Variants in NTN1 observed in about 807,000 individuals in gnomAD.
NTN1 encodes netrin-1.
Under a neutral mutation model 54.2 loss-of-function variants are expected in NTN1, and 11 were observed. That is an observed-to-expected ratio of 0.20 (90% CI 0.13 to 0.34). NTN1 has a LOEUF of 0.34. Among genes scored for constraint, NTN1 ranks in the 10% least tolerant of loss-of-function variants. The pLI is 1.00. For synonymous variants in NTN1, 371 were observed against 382.0 expected, an observed-to-expected ratio of 0.97 and a Z score of 0.33; for missense variants, 740 against 893.1, an observed-to-expected ratio of 0.83 and a Z score of 2.18.
At position 9,220,506 on chromosome 17, in the gene NTN1, T is replaced by A. The variant is rs187393990; in HGVS notation, c.1412-662T>A. On this transcript the variant is annotated intron_variant, in intron 5 of 6. Coordinates refer to ENST00000173229, the MANE Select transcript of NTN1 (RefSeq NM_004822.3). ...AGGCCCAAGGGCTGGCAGGCCCTGG[T>A]GCCCTCCACATCCTGCTTGGCTCTC... Among the ~76,000 whole-genome samples the A allele has an allele frequency of 2.9e-4, 44 of 152,030 alleles. No homozygotes were observed. The East Asian group carries it at 5.4e-3, about 19-fold the overall frequency.
chr17:9,103,249 G>C (rs765781032), intron 2 of NTN1, among the ~76,000 whole-genome samples: 1 of 152,204 alleles, frequency 6.6e-6, no homozygotes, highest in Non-Finnish European at 1.5e-5. Context: ...CACAGGAGCC[G>C]AGAGGTAGAA....
chr17:9,106,015 C>A (rs1223834709), intron 2 of NTN1, among the ~76,000 whole-genome samples: 1 of 152,156 alleles, frequency 6.6e-6, no homozygotes, highest in Non-Finnish European at 1.5e-5. Flanking sequence ...CAACCAGCAG[C>A]GTCAACAATA....
At chr17:9,233,097 C>T (rs1162378630) in intron 6 of NTN1, among the ~76,000 whole-genome samples, 1 of 151,998 alleles carries the variant, frequency 6.6e-6, no homozygotes, top group Admixed American at 6.5e-5. Flanking sequence ...CTGACCACCT[C>T]AGCCTCCTTC....
intron 2 of NTN1, among the ~76,000 whole-genome samples, chr17:9,154,163 AGTGGT>A (rs2092335426): frequency 6.6e-6 from 1 of 152,182 alleles, no homozygotes; most frequent in Non-Finnish European, 1.5e-5. Context: ...TTTGGGGGAT[AGTGGT>A]GGACCTGGGA....
intron 2 of NTN1, among the ~76,000 whole-genome samples, chr17:9,046,060 A>G (rs1366296933): frequency 1.3e-5 from 2 of 152,232 alleles, no homozygotes; most frequent in African/African-American, 4.8e-5. Context: ...GACTTTATCA[A>G]AATTTAAAAC....
intron 2 of NTN1, among the ~76,000 whole-genome samples, chr17:9,153,363 C>T (rs1027635713): frequency 6.6e-6 from 1 of 152,004 alleles, no homozygotes; most frequent in Middle Eastern, 3.2e-3. Flanking sequence ...GCAGGAGAAT[C>T]GCTTGAACCT....
At chr17:9,123,130 C>G (rs1292121417) in intron 2 of NTN1, among the ~76,000 whole-genome samples, 1 of 152,138 alleles carries the variant, frequency 6.6e-6, no homozygotes, top group Non-Finnish European at 1.5e-5. Flanking sequence ...ATCTTGCTCT[C>G]CCCCAAGTCA....
At chr17:9,150,824 G>C (rs2092325415) in intron 2 of NTN1, among the ~76,000 whole-genome samples, 1 of 152,192 alleles carries the variant, frequency 6.6e-6, no homozygotes, top group African/African-American at 2.4e-5. Context: ...TGACGGCGAG[G>C]TCAAGCAGAT....
chr17:9,056,468 A>T (rs576453467), intron 2 of NTN1, among the ~76,000 whole-genome samples: 91 of 152,254 alleles, frequency 6.0e-4, no homozygotes, highest in African/African-American at 2.2e-3. Context: ...TTTAGATAGG[A>T]TGGTGGTCTG....
At chr17:9,203,566 G>C (rs1904873945) in intron 5 of NTN1, among the ~76,000 whole-genome samples, 1 of 151,900 alleles carries the variant, frequency 6.6e-6, no homozygotes, top group Admixed American at 6.6e-5. Context: ...TGGGAGGCTG[G>C]GGCGGGCAGA....
Position 9,239,962 on chromosome 17 carries a change from G to A in NTN1, c.1809G>A (p.Lys603=), listed in dbSNP as rs371521051. 2.2e-3 allele frequency: 1,536 copies of A among 699,128 alleles called. 8 individuals are homozygous for A. The highest frequency in any genetic ancestry group is 8.6e-3 in the Middle Eastern group (22 of 2,572). The allele number at this position is 699,128 out of a possible 1,614,324, so 43.3% of individuals were successfully genotyped here. ...GTGAGAAGAAGGGCAAGTGCAAGAA[G>A]GCCTAGCGCCGAGGCAGCGGGCGGG... ...QQREKKGKCK[K]A The change falls in exon 7 of 7, where the codon AAG becomes AAA. Residue 603 remains lysine, a synonymous_variant. Transcript: ENST00000173229. The surrounding 1 kb of genome is among the most constrained non-coding windows in gnomAD (Gnocchi z 5.2).
chr17:9,140,552 G>GC (rs1292599437), intron 2 of NTN1, among the ~76,000 whole-genome samples: 1 of 152,202 alleles, frequency 6.6e-6, no homozygotes, highest in African/African-American at 2.4e-5. Flanking sequence ...ATGACAGTGA[G>GC]CCCCTGTTTG....
intron 2 of NTN1, among the ~76,000 whole-genome samples, chr17:9,154,651 A>C (rs2092336450): frequency 6.6e-6 from 1 of 152,192 alleles, no homozygotes; most frequent in Non-Finnish European, 1.5e-5. Context: ...GGGGGCTCAG[A>C]AAAACACACT....
At chr17:9,023,452 C>T (rs992663469) in intron 2 of NTN1, 61 bp downstream of exon 2, 19 of 1,334,956 alleles carry the variant, frequency 1.4e-5, no homozygotes, top group Non-Finnish European at 1.6e-5. Flanking sequence ...AGCTGCTGGG[C>T]CTCGCAGCGG....
intron 6 of NTN1, among the ~76,000 whole-genome samples, chr17:9,235,759 T>C (rs1905967067): frequency 8.4e-6 from 1 of 119,380 alleles, no homozygotes; most frequent in African/African-American, 2.8e-5. Flanking sequence ...TCTTTTTTTT[T>C]TTTTTGGAGA....
At chr17:9,129,244 C>G (rs1238220857) in intron 2 of NTN1, among the ~76,000 whole-genome samples, 17 of 152,180 alleles carry the variant, frequency 1.1e-4, no homozygotes, top group Middle Eastern at 3.4e-3. Flanking sequence ...TTGCTCTTTC[C>G]AAGGCTCCTG....
intron 5 of NTN1, among the ~76,000 whole-genome samples, chr17:9,193,440 A>G (rs1422100214): frequency 6.6e-6 from 1 of 152,220 alleles, no homozygotes; most frequent in African/African-American, 2.4e-5. Flanking sequence ...TTTAGACGTT[A>G]TGACATTTCA....
chr17:9,120,380 T>C (rs1468348758), intron 2 of NTN1, among the ~76,000 whole-genome samples: 1 of 151,948 alleles, frequency 6.6e-6, no homozygotes, highest in African/African-American at 2.4e-5. Flanking sequence ...ACTTGGCACA[T>C]TGGGCTTCTC....
chr17:9,188,685 G>A (rs946467391), intron 5 of NTN1, among the ~76,000 whole-genome samples: 1 of 152,186 alleles, frequency 6.6e-6, no homozygotes, highest in Non-Finnish European at 1.5e-5. Context: ...CCCTTTAGCT[G>A]TGGGTGTATG....
Sources: gnomAD v4.1 joint callset for allele counts (sites outside exome capture counted in the v4.1 genomes callset) on GRCh38, gnomAD v4.1.1 for gene constraint, Gnocchi (gnomAD v3.1) non-coding constraint, MANE v1.5 for transcripts, NCBI Gene and HGNC (gene_info 2026-07-23, HGNC 2026-07-21) for gene names.